Variants in GPCPD1 observed in about 807,000 individuals in gnomAD.
The protein encoded by GPCPD1 is glycerophosphocholine phosphodiesterase 1.
Under a neutral mutation model 89.2 loss-of-function variants are expected in GPCPD1, and 29 were observed. That is an observed-to-expected ratio of 0.33 (90% CI 0.24 to 0.44). The LOEUF (loss-of-function observed/expected upper bound fraction) is 0.44, where lower values mean the gene tolerates loss of function less well. Ranked by LOEUF, GPCPD1 falls within the 20% of genes least tolerant of loss-of-function variation. The probability of loss-of-function intolerance (pLI) is 1.00; values close to 1 mark genes in which losing one functional copy is unlikely to be tolerated. For synonymous variants in GPCPD1, 258 were observed against 266.3 expected, an observed-to-expected ratio of 0.97 and a Z score of 0.30; for missense variants, 594 against 808.9, an observed-to-expected ratio of 0.73 and a Z score of 3.22.
intron 18 of GPCPD1, 22 bp downstream of exon 18, chr20:5,558,662 T>TA (rs1320984996): frequency 2.8e-6 from 4 of 1,431,722 alleles, no homozygotes; most frequent in South Asian, 1.2e-5. Flanking sequence ...ATTAAAAAGA[T>TA]AAAAATTCAA....
chr20:5,552,420 A>G (rs902532546), intron 19 of GPCPD1, among the ~76,000 whole-genome samples: 10 of 152,228 alleles, frequency 6.6e-5, no homozygotes, highest in African/African-American at 2.4e-4. Context: ...CTGTTATATC[A>G]TGTATCTTCC....
Position 5,547,232 on chromosome 20 carries a change from T to G in GPCPD1, c.*429A>C, listed in dbSNP as rs1259820719. ...GAATCACCAGTGCAAATGCATGCAT[T>G]TGAGGTACTTATTTTTTTCATGGTC... On this transcript the variant is annotated 3_prime_UTR_variant, in exon 20 of 20. Coordinates refer to ENST00000379019, the MANE Select transcript of GPCPD1 (RefSeq NM_019593.5). The G allele has an allele frequency of 2.0e-5, 3 of 152,614 alleles. No homozygotes were observed. Among genetic ancestry groups the G allele is most frequent in the African/African-American group, 7.2e-5 (3 of 41,424 alleles). The allele number at this position is 152,614 out of a possible 1,614,324, so 9.5% of individuals were successfully genotyped here.
chr20:5,567,566 A>T lies in GPCPD1; in HGVS notation c.1150-6T>A. 1 of 1,462,984 alleles carries T rather than the reference A, an allele frequency of 6.8e-7. No individual in the cohort carries two copies. The highest frequency in any genetic ancestry group is 9.2e-7 in the Non-Finnish European group (1 of 1,092,240). 90.6% of individuals were successfully genotyped at this position (1,462,984 alleles called of 1,614,324 possible). ...ACTGGATCAGCATCAAATTTCTAAA[A>T]AAAAAAAAAAAAGAAAGAAAGAAAA... On this transcript the variant is annotated splice_region_variant and splice_polypyrimidine_tract_variant and intron_variant, in intron 12 of 19. Transcript: ENST00000379019.
intron 6 of GPCPD1, among the ~76,000 whole-genome samples, chr20:5,581,951 G>A (rs1011487617): frequency 1.4e-5 from 2 of 147,232 alleles, no homozygotes; most frequent in Admixed American, 6.8e-5. Flanking sequence ...TTGGGAGGCC[G>A]AGGCGGGCGG....
chr20:5,557,650 G>A (rs1985849884), intron 19 of GPCPD1, among the ~76,000 whole-genome samples: 1 of 152,114 alleles, frequency 6.6e-6, no homozygotes, highest in Admixed American at 6.6e-5. Flanking sequence ...TGGACAAGAG[G>A]AATGAAAAAG....
rs6107650 is a variant in GPCPD1, at chr20:5,545,467, A to G, written c.*2194T>C. ...ATTCATCCTTCCTGAAGTTTCCACA[A>G]GGGCTCAGGAGAGAGGTCTTGGGCA... On this transcript the variant is annotated 3_prime_UTR_variant, in exon 20 of 20. Coordinates refer to ENST00000379019, the MANE Select transcript of GPCPD1 (RefSeq NM_019593.5). The G allele has an allele frequency of 0.39, 58,688 of 151,884 alleles. 11,557 individuals are homozygous for G. Among genetic ancestry groups the G allele is most frequent in the East Asian group, 0.47 (2,417 of 5,138 alleles). 9.4% of individuals were successfully genotyped at this position (151,884 alleles called of 1,614,324 possible).
chr20:5,571,466 C>G (rs1986712981), intron 11 of GPCPD1, among the ~76,000 whole-genome samples: 2 of 152,118 alleles, frequency 1.3e-5, no homozygotes, highest in African/African-American at 4.8e-5. Flanking sequence ...CAGACCGAAA[C>G]ATCTTCATAG....
chr20:5,570,449 G>GGACACAT (rs1299816482), intron 11 of GPCPD1, among the ~76,000 whole-genome samples: 2 of 103,448 alleles, frequency 1.9e-5, no homozygotes, highest in Admixed American at 9.2e-5. Flanking sequence ...AAAAAAAAAC[G>GGACACAT]GACACAGATT....
At chr20:5,571,647 G>A (rs1986723690) in intron 11 of GPCPD1, among the ~76,000 whole-genome samples, 1 of 152,122 alleles carries the variant, frequency 6.6e-6, no homozygotes, top group African/African-American at 2.4e-5. Flanking sequence ...AGTGGCTCAC[G>A]CCTATAATGC....
chr20:5,567,578 AGAAAGAAAG>A lies in GPCPD1; in HGVS notation c.1150-27_1150-19del. The A allele has an allele frequency of 7.1e-7, 1 of 1,405,822 alleles. No individual in the cohort carries two copies. Among genetic ancestry groups the A allele is most frequent in the Non-Finnish European group, 9.6e-7 (1 of 1,046,710 alleles). 87.1% of individuals were successfully genotyped at this position (1,405,822 alleles called of 1,614,324 possible). Reference sequence around the variant, plus strand: ...TCAAATTTCTAAAAAAAAAAAAAAAAGAAAGAAAGAAAAAGAAAGAATAAAGAAAATTAA... The same window carrying A: ...TCAAATTTCTAAAAAAAAAAAAAAAAAAAAAGAAAGAATAAAGAAAATTAA... On this transcript the variant is annotated intron_variant, in intron 12 of 19. Coordinates refer to ENST00000379019, the MANE Select transcript of GPCPD1 (RefSeq NM_019593.5).
At chr20:5,593,544 A>C in intron 3 of GPCPD1, 133 bp from the exon 4 acceptor site, 1 of 596,072 alleles carries the variant, frequency 1.7e-6, no homozygotes, top group Non-Finnish European at 3.0e-6. Flanking sequence ...AAAATTTTAC[A>C]GGCCTACTCT....
intron 14 of GPCPD1, 146 bp from the exon 15 acceptor site, chr20:5,565,224 T>C (rs1600729645): frequency 2.4e-5 from 13 of 550,636 alleles, no homozygotes; most frequent in Admixed American, 1.0e-4. Flanking sequence ...AACTCTGAGA[T>C]CCCTTTTTTT....
intron 4 of GPCPD1, among the ~76,000 whole-genome samples, chr20:5,587,057 CG>C (rs1315790064): frequency 6.6e-6 from 1 of 152,096 alleles, no homozygotes; most frequent in Non-Finnish European, 1.5e-5. Flanking sequence ...ATAACATATG[CG>C]GTAGTGAGTA....
At chr20:5,606,704 A>C (rs1325842060) in intron 1 of GPCPD1, among the ~76,000 whole-genome samples, 1 of 152,220 alleles carries the variant, frequency 6.6e-6, no homozygotes, top group African/African-American at 2.4e-5. Context: ...ACAGCCCTCC[A>C]CAAATGATTA....
At chr20:5,575,307 T>G in intron 10 of GPCPD1, 106 bp downstream of exon 10, 2 of 820,720 alleles carry the variant, frequency 2.4e-6, no homozygotes, top group Non-Finnish European at 3.8e-6. Context: ...CTAAATTCCC[T>G]TGGTAAATAA....
At chr20:5,566,359 T>C (rs1881274994) in intron 14 of GPCPD1, among the ~76,000 whole-genome samples, 1 of 152,244 alleles carries the variant, frequency 6.6e-6, no homozygotes, top group Admixed American at 6.5e-5. Context: ...TATAAAGGGA[T>C]GTGGTAGGCA....
In GPCPD1 at chr20:5,570,283, C is replaced by T. The variant is rs765117146; in HGVS notation, c.1057-44G>A. The stretch of plus-strand genomic sequence containing the variant: ...TATTTGAAAAACATTGCCTGGTACA[C>T]AGTACCTCTCAAACTGCAAGAACGT... On this transcript the variant is annotated intron_variant, in intron 11 of 19. Coordinates refer to ENST00000379019, the MANE Select transcript of GPCPD1 (RefSeq NM_019593.5). 3.2e-6 allele frequency: 3 copies of T among 924,134 alleles called. No individual in the cohort carries two copies. The Admixed American group carries it at 6.1e-5, about 19-fold the overall frequency. The allele number at this position is 924,134 out of a possible 1,614,324, so 57.2% of individuals were successfully genotyped here. A position where few individuals can be genotyped will look rare whatever the true frequency, so the allele number is the denominator to read the frequency against.
At chr20:5,597,761 C>T (rs1441767858) in intron 3 of GPCPD1, among the ~76,000 whole-genome samples, 2 of 152,224 alleles carry the variant, frequency 1.3e-5, no homozygotes, top group Non-Finnish European at 2.9e-5. Flanking sequence ...CAGACATCAG[C>T]CGCCCAAGTT....
At chr20:5,589,223 C>A (rs1979152603) in intron 4 of GPCPD1, among the ~76,000 whole-genome samples, 1 of 152,096 alleles carries the variant, frequency 6.6e-6, no homozygotes. Context: ...AAAAAAAGAA[C>A]CTAGTTTTAA....
Sources: allele counts gnomAD v4.1 joint callset (sites outside exome capture counted in the v4.1 genomes callset), GRCh38; gene constraint gnomAD v4.1.1; transcripts MANE v1.5; gene names NCBI Gene and HGNC (gene_info 2026-07-23, HGNC 2026-07-21).